CYP4A22: variants seen among roughly 807,000 people sequenced by gnomAD.
CYP4A22 encodes cytochrome P450 4A22.
CYP4A22 carries 46 observed loss-of-function variants against 56.2 expected under a neutral mutation model. The ratio of observed to expected loss-of-function variants is 0.82; its 90% CI spans 0.65 to 1.05. The LOEUF is 1.05. Among genes scored for constraint, CYP4A22 ranks in the 50% least tolerant of loss-of-function variants. The pLI is 0.00. For missense variants in CYP4A22, 541 were observed against 645.9 expected, an observed-to-expected ratio of 0.84 and a Z score of 1.76; for synonymous variants, 193 against 251.1, an observed-to-expected ratio of 0.77 and a Z score of 2.19.
rs1167093893 is a variant in CYP4A22, at chr1:47,140,824, G to A, written c.240G>A (p.Lys80=). The change falls in exon 2 of 12, where the codon AAG becomes AAA. Residue 80 remains lysine (K), a synonymous_variant. Transcript: ENST00000371891. The part of the protein sequence containing the change: ...QELQRIQERV[K]TFPSACPYWI... ...TACAACGGATTCAGGAACGGGTGAA[G>A]ACATTCCCAAGTGCCTGTCCTTATT... The A allele has an allele frequency of 1.2e-6, 2 of 1,614,178 alleles. No individual in the cohort carries two copies. The highest frequency in any genetic ancestry group is 2.7e-5 in the African/African-American group (2 of 75,032).
intron 11 of CYP4A22, 129 bp downstream of exon 11, chr1:47,146,282 G>A (rs1175558671): frequency 1.9e-6 from 3 of 1,577,718 alleles, no homozygotes; most frequent in East Asian, 4.5e-5. Context: ...GTATTTGTGG[G>A]AAAGTCAGGC....
rs769147059 is a variant in CYP4A22, at chr1:47,143,857, G to A, written c.731G>A (p.Ser244Asn). ...TTTCATGAGAATGACACCATCTACAGCCTGACCTCTGCTGGCCGCTGGACA... is the reference window on the plus strand; with the variant it reads ...TTTCATGAGAATGACACCATCTACAACCTGACCTCTGCTGGCCGCTGGACA... Reference protein sequence around the residue: ...NAFHENDTIYSLTSAGRWTHR... With the variant: ...NAFHENDTIYNLTSAGRWTHR... The change falls in exon 6 of 12, where the codon AGC becomes AAC. Residue 244 changes from serine (S) to asparagine (N), a missense_variant. Ser to Asn is a conservative substitution (Grantham distance 46). Transcript: ENST00000371891. 82 of 1,614,022 alleles carry A rather than the reference G, an allele frequency of 5.1e-5. No homozygotes were observed. Among genetic ancestry groups the A allele is most frequent in the Admixed American group, 6.7e-5 (4 of 60,000 alleles).
Position 47,149,067 on chromosome 1 carries a change from C to G in CYP4A22, c.*270C>G. ...CATGTCTGACATAATGTAAAAGAGT[C>G]TTGAATCATGTCCAGGATCCAGGGT... On this transcript the variant is annotated 3_prime_UTR_variant, in exon 12 of 12. Transcript: ENST00000371891. 5.1e-6 allele frequency: 2 copies of G among 389,658 alleles called. No homozygotes were observed. Among genetic ancestry groups the G allele is most frequent in the Non-Finnish European group, 9.0e-6 (2 of 222,822 alleles). The allele number at this position is 389,658 out of a possible 1,614,324, so 24.1% of individuals were successfully genotyped here. A position where few individuals can be genotyped will look rare whatever the true frequency, so the allele number is the denominator to read the frequency against.
chr1:47,138,219 G>A (rs1345297362), intron 1 of CYP4A22, among the ~76,000 whole-genome samples: 8 of 152,196 alleles, frequency 5.3e-5, no homozygotes, highest in Non-Finnish European at 1.2e-4. Flanking sequence ...ATCTGCTGGT[G>A]TAGGGGACCA....
At chr1:47,138,377 G>A (rs1644968474) in intron 1 of CYP4A22, among the ~76,000 whole-genome samples, 1 of 152,156 alleles carries the variant, frequency 6.6e-6, no homozygotes, top group Admixed American at 6.5e-5. Context: ...GTTGCACATT[G>A]AACAGGGTGT....
chr1:47,148,025 C>G (rs1419203970), intron 11 of CYP4A22, among the ~76,000 whole-genome samples: 1 of 152,078 alleles, frequency 6.6e-6, no homozygotes, highest in Non-Finnish European at 1.5e-5. Context: ...TAGACAGGAG[C>G]CCGGACCCTG....
rs1159519059 is a variant in CYP4A22, at chr1:47,137,519, C to T, written c.34C>T (p.Leu12=). The T allele has an allele frequency of 1.2e-6, 2 of 1,613,956 alleles. No individual in the cohort carries two copies. The highest frequency in any genetic ancestry group is 4.5e-5 in the East Asian group (2 of 44,894). The change falls in exon 1 of 12, where the codon CTG becomes TTG. Residue 12 remains leucine (L), a synonymous_variant. Transcript: ENST00000371891. ...CTCTGTCCTGAGCCCCAGCAGACGC[C>T]TGGGTGGTGTCTCCGGGATCCTCCA... is the stretch of plus-strand genomic sequence containing the variant. ...SVSVLSPSRR[L]GGVSGILQVT...
chr1:47,144,809 G>T, intron 8 of CYP4A22, 28 bp from the exon 9 acceptor site: 1 of 1,612,800 alleles, frequency 6.2e-7, no homozygotes, highest in Non-Finnish European at 8.5e-7. Context: ...CCCAGGCCTT[G>T]CTGGTGTTCA....
rs1312063864 is a variant in CYP4A22 at position 47,145,138 on chromosome 1, G to A, written c.1222+168G>A. The stretch of plus-strand genomic sequence containing the variant: ...ATGAATTTGAAAAGTCTGGCCGAGA[G>A]CTTGAACCCACCGAAAGTTCAAGAA... On this transcript the variant is annotated intron_variant, in intron 9 of 11. Transcript: ENST00000371891. 3.3e-5 allele frequency among the ~76,000 whole-genome samples: 5 copies of A among 152,240 alleles called. No individual in the cohort carries two copies. In the East Asian group the frequency reaches 7.7e-4, roughly 23 times the overall value.
At chr1:47,146,882 A>C (rs1645081745) in intron 11 of CYP4A22, 24 of 985,490 alleles carry the variant, frequency 2.4e-5, no homozygotes, top group Non-Finnish European at 2.8e-5. Context: ...ATATTGGCCA[A>C]AAACATAAAA....
rs1339141492 is a variant in CYP4A22 at position 47,149,680 on chromosome 1, T to A, written c.*883T>A. ...TCCTTCTTCCTGCCTGCTTGTCTGT[T>A]CCTATATTAGTTTCCTATTGCTGCT... On this transcript the variant is annotated 3_prime_UTR_variant, in exon 12 of 12. Coordinates refer to ENST00000371891, the MANE Select transcript of CYP4A22 (RefSeq NM_001010969.4). 1.3e-5 allele frequency: 2 copies of A among 152,236 alleles called. No individual in the cohort carries two copies. Among genetic ancestry groups the A allele is most frequent in the African/African-American group, 4.8e-5 (2 of 41,468 alleles). The allele number at this position is 152,236 out of a possible 1,614,324, so 9.4% of individuals were successfully genotyped here. A position where few individuals can be genotyped will look rare whatever the true frequency, so the allele number is the denominator to read the frequency against.
intron 4 of CYP4A22, among the ~76,000 whole-genome samples, 153 bp from the exon 5 acceptor site, chr1:47,143,116 C>T (rs1399287480): frequency 6.6e-6 from 1 of 152,232 alleles, no homozygotes; most frequent in Non-Finnish European, 1.5e-5. Context: ...CCAGTTTCTA[C>T]AATGCATCTG....
Position 47,143,779 on chromosome 1 carries a change from T to G in CYP4A22, c.653T>G (p.Ile218Ser). Reference protein sequence around the residue: ...IQVDRNSQSYIQAISDLNSLV... With the variant: ...IQVDRNSQSYSQAISDLNSLV... The stretch of plus-strand genomic sequence containing the variant: ...TCCCTCAGGAATTCTCAGTCCTACA[T>G]CCAGGCCATTAGTGACCTGAACAGC... Residue 218 changes from isoleucine to serine, a missense_variant, in exon 6 of 12, where the codon ATC becomes AGC. Around this residue, in one of 3 missense-constraint regions of CYP4A22, gnomAD observed 335 missense variants for 361.2 expected, o/e 0.93. Coordinates refer to ENST00000371891, the MANE Select transcript of CYP4A22 (RefSeq NM_001010969.4). The G allele has an allele frequency of 6.2e-7, 1 of 1,612,462 alleles. No homozygotes were observed. The highest frequency in any genetic ancestry group is 8.5e-7 in the Non-Finnish European group (1 of 1,179,076).
intron 1 of CYP4A22, among the ~76,000 whole-genome samples, chr1:47,139,620 A>G (rs943913429): frequency 2.0e-5 from 3 of 152,226 alleles, no homozygotes; most frequent in African/African-American, 7.2e-5. Flanking sequence ...GGCACATAGT[A>G]TGTGTGCAGT....
chr1:47,140,030 C>G (rs1443987698), intron 1 of CYP4A22, among the ~76,000 whole-genome samples: 2 of 152,174 alleles, frequency 1.3e-5, no homozygotes, highest in Non-Finnish European at 2.9e-5. Flanking sequence ...GAATTGCCAG[C>G]AGGGCTGGAG....
chr1:47,144,242 A>T (rs1181297036), intron 6 of CYP4A22, 115 bp from the exon 7 acceptor site: 24 of 1,350,988 alleles, frequency 1.8e-5, no homozygotes, highest in Non-Finnish European at 2.2e-5. Flanking sequence ...CTGCACCCAC[A>T]CTCACATTCA....
intron 11 of CYP4A22, chr1:47,146,695 G>A: frequency 1.1e-5 from 11 of 990,566 alleles, no homozygotes; most frequent in Non-Finnish European, 1.3e-5. Context: ...GGTTAAGGTA[G>A]CCCTTTGAAG....
At chr1:47,140,634 A>C in intron 1 of CYP4A22, 146 bp from the exon 2 acceptor site, 1 of 1,273,126 alleles carries the variant, frequency 7.9e-7, no homozygotes, top group East Asian at 2.5e-5. Flanking sequence ...GGAGATACAA[A>C]GAATCTGGAT....
rs758273822 is a variant in CYP4A22 at position 47,145,013 on chromosome 1, A to T, written c.1222+43A>T. 3.1e-6 allele frequency: 5 copies of T among 1,608,870 alleles called. No individual in the cohort carries two copies. The South Asian group carries it at 5.5e-5, about 18-fold the overall frequency. ...CCTCTCACCCAAAGTCTCCACGGGG[A>T]CGTGTGGAGGGTGAGAAATCCATGT... is the stretch of plus-strand genomic sequence containing the variant. On this transcript the variant is annotated intron_variant, in intron 9 of 11. Transcript: ENST00000371891.
Sources: gnomAD v4.1 joint callset for allele counts (sites outside exome capture counted in the v4.1 genomes callset) on GRCh38, gnomAD v4.1.1 for gene constraint, gnomAD v4.1.1 regional missense constraint, MANE v1.5 for transcripts, NCBI Gene and HGNC (gene_info 2026-07-23, HGNC 2026-07-21) for gene names.